The following CNGB3 variants were observed in gnomAD, a reference collection of about 807,000 sequenced individuals.
CNGB3 encodes the protein cyclic nucleotide gated channel subunit beta 3.
CNGB3 carries 86 observed loss-of-function variants against 92.8 expected under a neutral mutation model. The ratio of observed to expected loss-of-function variants is 0.93; its 90% CI spans 0.78 to 1.11. CNGB3 has a LOEUF of 1.11. Ranked by LOEUF, CNGB3 falls within the 50% of genes least tolerant of loss-of-function variation. The pLI, the probability that CNGB3 is intolerant of heterozygous loss-of-function variation, is 0.00. For synonymous variants in CNGB3, 333 were observed against 332.7 expected, an observed-to-expected ratio of 1.00 and a Z score of -0.01; for missense variants, 1,026 against 956.8, an observed-to-expected ratio of 1.07 and a Z score of -0.95.
chr8:86,681,749 A>C (rs932486375), intron 3 of CNGB3, among the ~76,000 whole-genome samples: 27 of 152,344 alleles, frequency 1.8e-4, no homozygotes, highest in Non-Finnish European at 2.9e-4. Flanking sequence ...TTATAAAAAC[A>C]TTAGATTGGC....
At position 86,670,963 on chromosome 8, in the gene CNGB3, G is replaced by T. The variant is rs151230930; in HGVS notation, c.474C>A (p.Pro158=). ...GCTTACCAGTTTGTGGGCTGGCTTC[G>T]GGTGAGGAGAGATCTCCCTCTACCA... is the stretch of plus-strand genomic sequence containing the variant. ...KKLVEGDLSS[P]EASPQTAKPT... is the part of the protein sequence containing the mutation. Residue 158 remains proline, a synonymous_variant, in exon 4 of 18, where the codon CCC becomes CCA. Coordinates refer to ENST00000320005, the MANE Select transcript of CNGB3 (RefSeq NM_019098.5). 2 of 1,612,436 alleles carry T rather than the reference G, an allele frequency of 1.2e-6. No individual in the cohort carries two copies. The highest frequency in any genetic ancestry group is 2.2e-5 in the East Asian group (1 of 44,866).
chr8:86,576,899 A>G (rs1821672046), intron 17 of CNGB3, among the ~76,000 whole-genome samples: 1 of 152,214 alleles, frequency 6.6e-6, no homozygotes, highest in South Asian at 2.1e-4. Flanking sequence ...AACTTTCACC[A>G]CAGTGTTGTA....
intron 3 of CNGB3, among the ~76,000 whole-genome samples, chr8:86,714,839 C>G (rs1385637657): frequency 6.6e-6 from 1 of 152,128 alleles, no homozygotes; most frequent in Non-Finnish European, 1.5e-5. Context: ...GGACTGCATG[C>G]TACGTGGGAG....
rs562684774 is a variant in CNGB3, at chr8:86,641,826, T to C, written c.1178+1925A>G. Among the ~76,000 whole-genome samples the C allele has an allele frequency of 1.8e-4, 27 of 152,044 alleles. No individual in the cohort carries two copies. In the South Asian group the frequency reaches 1.9e-3, roughly 11 times the overall value. ...GTTGTAATTGTATTCATTTAGAAAC[T>C]TATAACAAATAATTATAATAAGTAA... On this transcript the variant is annotated intron_variant, in intron 10 of 17. Coordinates refer to ENST00000320005, the MANE Select transcript of CNGB3 (RefSeq NM_019098.5).
chr8:86,620,135 C>G (rs144145817), intron 13 of CNGB3, among the ~76,000 whole-genome samples: 2,502 of 152,204 alleles, frequency 0.016, 212 homozygotes, highest in Admixed American at 0.15. Flanking sequence ...TGAAGAAAGC[C>G]GTGCTCAAAC....
At chr8:86,713,842 C>T (rs191496562) in intron 3 of CNGB3, among the ~76,000 whole-genome samples, 16 of 151,828 alleles carry the variant, frequency 1.1e-4, no homozygotes, top group South Asian at 4.2e-4. Flanking sequence ...TTATTCTTTC[C>T]GACTTAAAAA....
chr8:86,577,036 T>A (rs1306721971), intron 17 of CNGB3, among the ~76,000 whole-genome samples: 2 of 152,216 alleles, frequency 1.3e-5, no homozygotes, highest in Non-Finnish European at 2.9e-5. Flanking sequence ...ACATAATGAC[T>A]AGGTTCAGAA....
At chr8:86,622,737 T>C (rs1475716559) in intron 13 of CNGB3, among the ~76,000 whole-genome samples, 1 of 152,244 alleles carries the variant, frequency 6.6e-6, no homozygotes, top group Non-Finnish European at 1.5e-5. Flanking sequence ...CTTTTGGACC[T>C]AGGTTTGGAA....
At chr8:86,624,819 A>G (rs112965632) in intron 13 of CNGB3, among the ~76,000 whole-genome samples, 1,539 of 152,250 alleles carry the variant, frequency 0.01, 23 homozygotes, top group African/African-American at 0.035. Flanking sequence ...GCAATCCCCA[A>G]TGTTGGACGT....
At chr8:86,702,281 A>G (rs898403676) in intron 3 of CNGB3, among the ~76,000 whole-genome samples, 2 of 152,234 alleles carry the variant, frequency 1.3e-5, no homozygotes, top group Non-Finnish European at 2.9e-5. Flanking sequence ...GTTCTGCAGC[A>G]TGGCAGAATC....
chr8:86,617,883 A>C (rs560560432), intron 13 of CNGB3, among the ~76,000 whole-genome samples: 1 of 152,292 alleles, frequency 6.6e-6, no homozygotes, highest in Non-Finnish European at 1.5e-5. Context: ...TGATTCAAGC[A>C]CATTACATTT....
intron 14 of CNGB3, 64 bp downstream of exon 14, chr8:86,611,519 TCTTGA>T (rs1163001735): frequency 1.6e-6 from 2 of 1,287,710 alleles, no homozygotes; most frequent in African/African-American, 1.5e-5. Flanking sequence ...TAAACAATGT[TCTTGA>T]CTTATGTCCG....
rs576052082 is a variant in CNGB3 at position 86,710,674 on chromosome 8, G to A, written c.338+15857C>T. 2.6e-5 allele frequency among the ~76,000 whole-genome samples: 4 copies of A among 152,116 alleles called. No individual in the cohort carries two copies. The East Asian group carries it at 5.8e-4, about 22-fold the overall frequency. ...GGCTACAAAAACATTCTATTACCAC[G>A]GAAGACTGCTTATTAAATCCTGTCA... On this transcript the variant is annotated intron_variant, in intron 3 of 17. Coordinates refer to ENST00000320005, the MANE Select transcript of CNGB3 (RefSeq NM_019098.5).
intron 15 of CNGB3, among the ~76,000 whole-genome samples, chr8:86,589,342 G>T (rs1213751327): frequency 1.3e-5 from 2 of 149,130 alleles, no homozygotes; most frequent in Non-Finnish European, 3.0e-5. Context: ...ATTTCCTTCA[G>T]TTCTGCTCTG....
At chr8:86,677,025 A>G (rs944228965) in intron 3 of CNGB3, among the ~76,000 whole-genome samples, 3 of 152,190 alleles carry the variant, frequency 2.0e-5, no homozygotes, top group Non-Finnish European at 4.4e-5. Flanking sequence ...GAAGAGACGC[A>G]AGGAGAATGC....
At chr8:86,681,362 G>A (rs1824080578) in intron 3 of CNGB3, among the ~76,000 whole-genome samples, 1 of 152,186 alleles carries the variant, frequency 6.6e-6, no homozygotes, top group Non-Finnish European at 1.5e-5. Flanking sequence ...CAACAGAGGA[G>A]AGAATGAGTT....
intron 3 of CNGB3, among the ~76,000 whole-genome samples, chr8:86,699,753 T>G (rs2131645861): frequency 6.6e-6 from 1 of 152,338 alleles, no homozygotes; most frequent in African/African-American, 2.4e-5. Flanking sequence ...TTTTGCCAAA[T>G]TTATAGGGTT....
intron 2 of CNGB3, 62 bp downstream of exon 2, chr8:86,739,593 T>C (rs1825304664): frequency 1.3e-6 from 2 of 1,595,622 alleles, no homozygotes; most frequent in Non-Finnish European, 1.7e-6. Flanking sequence ...ACAGCACATT[T>C]CAGATACATA....
intron 3 of CNGB3, among the ~76,000 whole-genome samples, chr8:86,712,020 T>G (rs1824760327): frequency 6.6e-6 from 1 of 152,040 alleles, no homozygotes; most frequent in Non-Finnish European, 1.5e-5. Flanking sequence ...TACTTTAGGC[T>G]ATCAATTAAA....
Sources: gnomAD v4.1 joint callset for allele counts (sites outside exome capture counted in the v4.1 genomes callset) on GRCh38, gnomAD v4.1.1 for gene constraint, MANE v1.5 for transcripts, NCBI Gene and HGNC (gene_info 2026-07-23, HGNC 2026-07-21) for gene names.